The following KDM5A variants were observed in gnomAD, a reference collection of about 807,000 sequenced individuals.
KDM5A encodes lysine demethylase 5A.
Under a neutral mutation model 193.5 loss-of-function variants are expected in KDM5A, and 42 were observed. The ratio of observed to expected loss-of-function variants is 0.22; its 90% CI spans 0.17 to 0.28. The LOEUF (loss-of-function observed/expected upper bound fraction) is 0.28. Among genes scored for constraint, KDM5A ranks in the 10% least tolerant of loss-of-function variants. KDM5A has a pLI of 1.00. For synonymous variants in KDM5A, 796 were observed against 718.1 expected, an observed-to-expected ratio of 1.11 and a Z score of -1.73; for missense variants, 1,692 against 2,055.1, an observed-to-expected ratio of 0.82 and a Z score of 3.42.
At chr12:374,354 T>C (rs1229336900) in intron 3 of KDM5A, among the ~76,000 whole-genome samples, 4 of 152,190 alleles carry the variant, frequency 2.6e-5, no homozygotes, top group African/African-American at 9.7e-5. Flanking sequence ...TCTCTGATCT[T>C]TGTTGGTTTA....
chr12:311,300 T>G, intron 20 of KDM5A: 2 of 520,304 alleles, frequency 3.8e-6, no homozygotes, highest in East Asian at 3.5e-5. Flanking sequence ...AGAGTACCAG[T>G]AGATATAACA....
intron 9 of KDM5A, among the ~76,000 whole-genome samples, chr12:351,829 C>T (rs530539681): frequency 8.9e-4 from 135 of 151,578 alleles, no homozygotes; most frequent in African/African-American, 3.0e-3. Flanking sequence ...ATTGGCTGGG[C>T]GCAGTGGTTC....
chr12:375,424 A>G (rs1591939471), intron 3 of KDM5A, among the ~76,000 whole-genome samples: 1 of 152,296 alleles, frequency 6.6e-6, no homozygotes, highest in East Asian at 1.9e-4. Context: ...TTTCAGCTCC[A>G]TCAGGTCATT....
rs770291031 is a variant in KDM5A at position 356,462 on chromosome 12, C to T, written c.748G>A (p.Gly250Ser). Residue 250 changes from glycine to serine, a missense_variant, in exon 6 of 28, where the codon GGC (glycine) becomes AGC (serine). Gly to Ser is a moderately conservative substitution (Grantham distance 56). Transcript: ENST00000399788. ...TTATCTTTTGTTCCCATTGCCAAGC[C>T]CACAACCTTGGGCCCAGCCCCAAAA... The part of the protein sequence containing the change: ...QIFGAGPKVV[G>S]LAMGTKDKED... 1.2e-6 allele frequency: 2 copies of T among 1,612,572 alleles called. No homozygotes were observed. The highest frequency in any genetic ancestry group is 1.7e-6 in the Non-Finnish European group (2 of 1,178,782).
chr12:366,169 T>C, intron 3 of KDM5A, 65 bp from the exon 4 acceptor site: 1 of 1,407,602 alleles, frequency 7.1e-7, no homozygotes, highest in East Asian at 2.3e-5. Context: ...CTCTTAAGTC[T>C]TGTCTACTAA....
Position 295,773 on chromosome 12 carries a change from G to C in KDM5A, c.4255C>G (p.Gln1419Glu), listed in dbSNP as rs768777397. The C allele has an allele frequency of 6.2e-7, 1 of 1,614,040 alleles. No homozygotes were observed. The highest frequency in any genetic ancestry group is 1.7e-5 in the Admixed American group (1 of 60,026). The change falls in exon 26 of 28, where the codon CAA becomes GAA. Residue 1419 changes from glutamine to glutamate, a missense_variant. Physicochemically the swap from Gln to Glu is conservative, Grantham distance 29. Coordinates refer to ENST00000399788, the MANE Select transcript of KDM5A (RefSeq NM_001042603.3). Reference sequence around the variant, plus strand: ...GGCACCAAAGGGCTCTTCCGAGGTTGTTTCCTTGGGGTGCTAGAACCTTTC... The same window carrying C: ...GGCACCAAAGGGCTCTTCCGAGGTTCTTTCCTTGGGGTGCTAGAACCTTTC... ...CSQGSSTPRK[Q>E]PRKSPLVPRS...
chr12:351,287 C>T (rs1944155515), intron 9 of KDM5A, among the ~76,000 whole-genome samples: 1 of 152,088 alleles, frequency 6.6e-6, no homozygotes, highest in African/African-American at 2.4e-5. Flanking sequence ...TCACCTCCCA[C>T]TTATGAGTGA....
At chr12:291,315 C>T (rs1047842397) in intron 27 of KDM5A, among the ~76,000 whole-genome samples, 4 of 152,100 alleles carry the variant, frequency 2.6e-5, no homozygotes, top group Admixed American at 2.0e-4. Flanking sequence ...ATAGAATACC[C>T]CTAATACATC....
chr12:309,148 A>G (rs1261182734), intron 22 of KDM5A, among the ~76,000 whole-genome samples: 1 of 152,214 alleles, frequency 6.6e-6, no homozygotes, highest in Non-Finnish European at 1.5e-5. Flanking sequence ...AATGCTCAAA[A>G]TTAGAAAACT....
intron 10 of KDM5A, 71 bp from the exon 11 acceptor site, chr12:334,493 T>C: frequency 7.6e-7 from 1 of 1,323,774 alleles, no homozygotes; most frequent in South Asian, 1.2e-5. Flanking sequence ...GCCAAGGGAG[T>C]CTTCCCAGAA....
intron 10 of KDM5A, among the ~76,000 whole-genome samples, chr12:339,846 A>G (rs1364016277): frequency 6.6e-6 from 1 of 152,010 alleles, no homozygotes; most frequent in Admixed American, 6.6e-5. Flanking sequence ...TATGTAACCA[A>G]TAAGATATTG....
chr12:284,505 T>C lies in KDM5A; in HGVS notation c.*951A>G, dbSNP rs1467637187. 4 of 232,640 alleles carry C rather than the reference T, an allele frequency of 1.7e-5. No individual in the cohort carries two copies. Among genetic ancestry groups the C allele is most frequent in the African/African-American group, 8.8e-5 (4 of 45,262 alleles). 14.4% of individuals were successfully genotyped at this position (232,640 alleles called of 1,614,324 possible). A position where few individuals can be genotyped will look rare whatever the true frequency, so the allele number is the denominator to read the frequency against. On this transcript the variant is annotated 3_prime_UTR_variant, in exon 28 of 28. Transcript: ENST00000399788. ...AGGGCTGCAAGGCAAAAAGCTGTTA[T>C]TTGCTGGTCTTGCTCATGGCCATGC...
chr12:337,796 C>T lies in KDM5A; in HGVS notation c.1309-3374G>A, dbSNP rs149478693. Among the ~76,000 whole-genome samples the T allele has an allele frequency of 3.8e-3, 571 of 152,100 alleles. 6 individuals are homozygous for T. The highest frequency in any genetic ancestry group is 0.013 in the African/African-American group (554 of 41,470). ...TAGCTGGGATTACAGGCACCTGCCA[C>T]CATGCCCGGCTAATTTTTGTGTTCT... On this transcript the variant is annotated intron_variant, in intron 10 of 27. Transcript: ENST00000399788.
At chr12:326,415 T>C (rs568591818) in intron 14 of KDM5A, among the ~76,000 whole-genome samples, 2 of 152,118 alleles carry the variant, frequency 1.3e-5, no homozygotes, top group African/African-American at 4.8e-5. Flanking sequence ...CCTGCACCCA[T>C]TGTTGGGGAT....
At chr12:285,732 G>GA in intron 27 of KDM5A, 70 bp from the exon 28 acceptor site, 6 of 1,379,014 alleles carry the variant, frequency 4.4e-6, no homozygotes, top group Non-Finnish European at 6.2e-6. Context: ...GCAAACCAAA[G>GA]AGCTTTCTTG....
intron 3 of KDM5A, among the ~76,000 whole-genome samples, chr12:376,612 A>G (rs2137487550): frequency 6.6e-6 from 1 of 152,332 alleles, no homozygotes; most frequent in African/African-American, 2.4e-5. Context: ...AACAAGCCCC[A>G]GTGAGATGAA....
At position 323,225 on chromosome 12, in the gene KDM5A, A is replaced by AAAAAAAAAAAAAAAAAAAAAT. The variant is rs1943742641; in HGVS notation, c.2151-20_2151-19insATTTTTTTTTTTTTTTTTTTT. The AAAAAAAAAAAAAAAAAAAAAT allele has an allele frequency of 6.7e-7, 1 of 1,485,924 alleles. No individual in the cohort carries two copies. The highest frequency in any genetic ancestry group is 9.0e-7 in the Non-Finnish European group (1 of 1,113,730). 92.0% of individuals were successfully genotyped at this position (1,485,924 alleles called of 1,614,324 possible). A position where few individuals can be genotyped will look rare whatever the true frequency, so the allele number is the denominator to read the frequency against. On this transcript the variant is annotated intron_variant, in intron 15 of 27. Coordinates refer to ENST00000399788, the MANE Select transcript of KDM5A (RefSeq NM_001042603.3). ...GCGATATCTACAAAAAAAAAAAAAA[A>AAAAAAAAAAAAAAAAAAAAAT]AAAAAAAAAAAAAAGAAAACAGAAA...
intron 5 of KDM5A, among the ~76,000 whole-genome samples, chr12:362,292 A>G (rs892249840): frequency 6.6e-6 from 1 of 152,180 alleles, no homozygotes; most frequent in African/African-American, 2.4e-5. Flanking sequence ...CTTGGGGAAA[A>G]AAAAGAAAAG....
chr12:323,571 T>C, intron 15 of KDM5A, 29 bp downstream of exon 15: 3 of 1,601,308 alleles, frequency 1.9e-6, no homozygotes, highest in Non-Finnish European at 2.6e-6. Flanking sequence ...AAAAAGGTAA[T>C]GGAAGTTTTA....
Sources: gnomAD v4.1 joint callset for allele counts (sites outside exome capture counted in the v4.1 genomes callset) on GRCh38, gnomAD v4.1.1 for gene constraint, MANE v1.5 for transcripts, NCBI Gene and HGNC (gene_info 2026-07-23, HGNC 2026-07-21) for gene names.